Variants in CREBBP observed in about 807,000 individuals in gnomAD.
CREBBP encodes CREB binding lysine acetyltransferase.
A neutral mutation model predicts 265.0 loss-of-function variants in CREBBP; 19 were observed. That is an observed-to-expected ratio of 0.07 (90% CI 0.05 to 0.11). The LOEUF (loss-of-function observed/expected upper bound fraction) is 0.11. Ranked by LOEUF, CREBBP falls within the 10% of genes least tolerant of loss-of-function variation. The probability of loss-of-function intolerance (pLI) is 1.00; values close to 1 mark genes in which losing one functional copy is unlikely to be tolerated. For synonymous variants in CREBBP, 1,457 were observed against 1,223.7 expected, an observed-to-expected ratio of 1.19 and a Z score of -3.98; for missense variants, 2,525 against 3,219.0, an observed-to-expected ratio of 0.78 and a Z score of 5.22.
chr16:3,790,702 A>G (rs543183029), intron 5 of CREBBP, among the ~76,000 whole-genome samples: 3 of 152,150 alleles, frequency 2.0e-5, no homozygotes, highest in Non-Finnish European at 2.9e-5. Flanking sequence ...AGGGAGGCAG[A>G]TAACAGGCCC....
At chr16:3,830,948 A>G (rs2054331371) in intron 2 of CREBBP, among the ~76,000 whole-genome samples, 1 of 152,128 alleles carries the variant, frequency 6.6e-6, no homozygotes, top group Non-Finnish European at 1.5e-5. Context: ...AAGCCTGGCT[A>G]TTAATTTTTT....
At chr16:3,805,940 G>A (rs1297758391) in intron 3 of CREBBP, among the ~76,000 whole-genome samples, 1 of 152,204 alleles carries the variant, frequency 6.6e-6, no homozygotes, top group Non-Finnish European at 1.5e-5. Flanking sequence ...GTGGAATTGG[G>A]AAATTGAGAA....
At chr16:3,733,274 A>G (rs2051964476) in intron 28 of CREBBP, among the ~76,000 whole-genome samples, 1 of 150,588 alleles carries the variant, frequency 6.6e-6, no homozygotes, top group Admixed American at 6.6e-5. Context: ...AGGCAGGAGA[A>G]TGGTGTGAAC....
In CREBBP at chr16:3,726,048, T is replaced by C. The variant is rs1346864118; in HGVS notation, c.*1670A>G. On this transcript the variant is annotated 3_prime_UTR_variant, in exon 31 of 31. Transcript: ENST00000262367. ...GCAGGACCATGTGGCTAAGTGCAAG[T>C]ATCCCCCGAAGTGGGGGACCTTTCT... 8.6e-6 allele frequency: 2 copies of C among 233,130 alleles called. No individual in the cohort carries two copies. Among genetic ancestry groups the C allele is most frequent in the African/African-American group, 4.4e-5 (2 of 45,350 alleles). The allele number at this position is 233,130 out of a possible 1,614,324, so 14.4% of individuals were successfully genotyped here.
rs1179677806 is a variant in CREBBP, at chr16:3,793,493, C to T, written c.1109G>A (p.Arg370Gln). The T allele has an allele frequency of 6.2e-7, 1 of 1,614,156 alleles. No individual in the cohort carries two copies. The highest frequency in any genetic ancestry group is 8.5e-7 in the Non-Finnish European group (1 of 1,180,032). ...LLLHAHKCQR[R>Q]EQANGEVRAC... ...CCGAACCTCTCCGTTTGCTTGCTCT[C>T]GTCTCTGACACTTATGAGCATGAAG... Residue 370 changes from arginine (R) to glutamine (Q), a missense_variant, in exon 4 of 31, where the codon CGA becomes CAA. By Grantham distance (43) the Arg-to-Gln change is conservative. Coordinates refer to ENST00000262367, the MANE Select transcript of CREBBP (RefSeq NM_004380.3).
Position 3,739,479 on chromosome 16 carries a change from C to G in CREBBP, c.4280+99G>C, listed in dbSNP as rs533206569. On this transcript the variant is annotated intron_variant, in intron 25 of 30. Transcript: ENST00000262367. The stretch of plus-strand genomic sequence containing the variant: ...TTGTGGTTTCATTTACTTTAATCCC[C>G]TATGAAGGCTCACAGGCTCCTCTGG... 5.5e-5 allele frequency: 78 copies of G among 1,424,896 alleles called. No homozygotes were observed. The African/African-American group carries it at 9.5e-4, about 17-fold the overall frequency. 88.3% of individuals were successfully genotyped at this position (1,424,896 alleles called of 1,614,324 possible). A position where few individuals can be genotyped will look rare whatever the true frequency, so the allele number is the denominator to read the frequency against.
At chr16:3,748,963 C>T (rs539602622) in intron 21 of CREBBP, among the ~76,000 whole-genome samples, 1 of 152,042 alleles carries the variant, frequency 6.6e-6, no homozygotes, top group Non-Finnish European at 1.5e-5. Flanking sequence ...CTGGCTAACA[C>T]AGTGAAACCC....
chr16:3,771,015 AT>A, intron 13 of CREBBP, 29 bp from the exon 14 acceptor site: 1 of 1,611,236 alleles, frequency 6.2e-7, no homozygotes, highest in Non-Finnish European at 8.5e-7. Flanking sequence ...GTATGGTAAA[AT>A]TATTTCCCCC....
Position 3,773,907 on chromosome 16 carries a change from C to T in CREBBP, c.2307G>A (p.Met769Ile), listed in dbSNP as rs778251901. 4.3e-6 allele frequency: 7 copies of T among 1,612,066 alleles called. No individual in the cohort carries two copies. The Admixed American group carries it at 1.2e-4, about 27-fold the overall frequency. The change falls in exon 13 of 31, where the codon ATG becomes ATA. Residue 769 changes from methionine to isoleucine, a missense_variant. Physicochemically the swap from Met to Ile is conservative, Grantham distance 10. Transcript: ENST00000262367. ...VPGMAISPSRMPQPPNMMGAH... is the reference protein window; with the variant it reads ...VPGMAISPSRIPQPPNMMGAH... ...CACCCATCATGTTCGGAGGCTGAGG[C>T]ATTCGGGAAGGAGAAATGGCCATCT...
Position 3,793,620 on chromosome 16 carries a change from T to A in CREBBP, c.982A>T (p.Met328Leu). Residue 328 changes from methionine to leucine, a missense_variant, in exon 4 of 31, where the codon ATG becomes TTG. Transcript: ENST00000262367. Reference protein sequence around the residue: ...SVTNVPNMSQMQTSVGIVPTQ... With the variant: ...SVTNVPNMSQLQTSVGIVPTQ... ...GGTACAATTCCCACTGATGTTTGCA[T>A]CTGAGACTAAAATAAAGCAAAATAA... 1.9e-6 allele frequency: 3 copies of A among 1,613,074 alleles called. No individual in the cohort carries two copies. Among genetic ancestry groups the A allele is most frequent in the Non-Finnish European group, 2.5e-6 (3 of 1,180,004 alleles).
chr16:3,735,459 G>A (rs2052031077), intron 28 of CREBBP, among the ~76,000 whole-genome samples: 1 of 152,118 alleles, frequency 6.6e-6, no homozygotes, highest in African/African-American at 2.4e-5. Flanking sequence ...CCCACAACCG[G>A]CTAAATTTTT....
At chr16:3,873,492 C>T (rs192721202) in intron 1 of CREBBP, among the ~76,000 whole-genome samples, 1 of 152,276 alleles carries the variant, frequency 6.6e-6, no homozygotes, top group East Asian at 1.9e-4. Context: ...CTTTCCAGAA[C>T]TGCTGAGAAA....
intron 2 of CREBBP, among the ~76,000 whole-genome samples, chr16:3,836,960 A>T (rs1019688437): frequency 2.0e-5 from 3 of 152,272 alleles, no homozygotes; most frequent in African/African-American, 7.2e-5. Context: ...GCTGTATAAA[A>T]GCATGGCTCA....
chr16:3,812,856 G>A (rs545175319), intron 2 of CREBBP: 2 of 188,200 alleles, frequency 1.1e-5, no homozygotes, highest in Admixed American at 1.2e-4. Context: ...GATGGACTGG[G>A]AAGGTCCCCG....
chr16:3,874,832 TGAA>T (rs552479124), intron 1 of CREBBP, among the ~76,000 whole-genome samples: 21 of 152,292 alleles, frequency 1.4e-4, no homozygotes, highest in Admixed American at 1.3e-3. Flanking sequence ...GGAATACATG[TGAA>T]GAGCTGGTTT....
At chr16:3,746,294 C>G (rs1445743546) in intron 21 of CREBBP, among the ~76,000 whole-genome samples, 1 of 152,064 alleles carries the variant, frequency 6.6e-6, no homozygotes, top group Non-Finnish European at 1.5e-5. Context: ...CTACCCTCAT[C>G]TGGCTTCTCT....
intron 3 of CREBBP, among the ~76,000 whole-genome samples, chr16:3,810,378 GC>G (rs1174299503): frequency 6.6e-6 from 1 of 152,160 alleles, no homozygotes; most frequent in Non-Finnish European, 1.5e-5. Context: ...AACAAAAGGA[GC>G]CTGGGAAGAG....
In CREBBP at chr16:3,725,176, G is replaced by A. The variant is rs189649723; in HGVS notation, c.*2542C>T. On this transcript the variant is annotated 3_prime_UTR_variant, in exon 31 of 31. Transcript: ENST00000262367. Reference sequence around the variant, plus strand: ...TTAAGTATACAGCATGAGACACAGCGTTGGGGCTTTCCAGGTTTCTTACAG... The same window carrying A: ...TTAAGTATACAGCATGAGACACAGCATTGGGGCTTTCCAGGTTTCTTACAG... 2.6e-5 allele frequency: 6 copies of A among 233,396 alleles called. No homozygotes were observed. Among genetic ancestry groups the A allele is most frequent in the Non-Finnish European group, 3.4e-5 (4 of 117,984 alleles). The allele number at this position is 233,396 out of a possible 1,614,324, so 14.5% of individuals were successfully genotyped here. A position where few individuals can be genotyped will look rare whatever the true frequency, so the allele number is the denominator to read the frequency against.
At chr16:3,757,433 A>G in intron 18 of CREBBP, 57 bp from the exon 19 acceptor site, 1 of 1,366,868 alleles carries the variant, frequency 7.3e-7, no homozygotes, top group East Asian at 2.5e-5. Flanking sequence ...TTACTGTCTT[A>G]TAATGTTCTA....
Sources: allele counts gnomAD v4.1 joint callset (sites outside exome capture counted in the v4.1 genomes callset), GRCh38; gene constraint gnomAD v4.1.1; transcripts MANE v1.5; gene names NCBI Gene and HGNC (gene_info 2026-07-23, HGNC 2026-07-21).